ZFPM2: variants seen among roughly 807,000 people sequenced by gnomAD.
The protein encoded by ZFPM2 is zinc finger protein, FOG family member 2.
In ZFPM2, 20 loss-of-function variants were observed where a neutral mutation model predicts 98.6. The ratio of observed to expected loss-of-function variants is 0.20; its 90% CI spans 0.14 to 0.29. The LOEUF is 0.29. ZFPM2 is among the 10% of genes least tolerant of loss of function. The pLI, the probability that ZFPM2 is intolerant of heterozygous loss-of-function variation, is 1.00. For missense variants in ZFPM2, 1,310 were observed against 1,388.6 expected (o/e 0.94, Z 0.90); for synonymous variants, 518 against 502.7 (o/e 1.03, Z -0.41).
chr8:105,501,824 A>T (rs6469004), intron 3 of ZFPM2, among the ~76,000 whole-genome samples: 55,906 of 152,056 alleles, frequency 0.37, 12,139 homozygotes, highest in African/African-American at 0.61. Context: ...TTTTTAATTG[A>T]CTTTTATTCA....
chr8:105,349,621 A>T (rs1812605124), intron 1 of ZFPM2, among the ~76,000 whole-genome samples: 1 of 152,218 alleles, frequency 6.6e-6, no homozygotes, highest in Non-Finnish European at 1.5e-5. Flanking sequence ...GAAACTCTGC[A>T]TCATGATTCT....
At chr8:105,621,245 C>T (rs1329434005) in intron 4 of ZFPM2, among the ~76,000 whole-genome samples, 5 of 152,106 alleles carry the variant, frequency 3.3e-5, no homozygotes, top group Admixed American at 3.3e-4. Context: ...TCCTTCACAT[C>T]CCTTGTAAGT....
chr8:105,447,413 T>A (rs17285605), intron 3 of ZFPM2, among the ~76,000 whole-genome samples: 6,682 of 152,014 alleles, frequency 0.044, 202 homozygotes, highest in Non-Finnish European at 0.068. Context: ...TTAAATCAGA[T>A]CATATACATG....
chr8:105,605,638 A>G lies in ZFPM2; in HGVS notation c.421-28608A>G, dbSNP rs552721657. Among the ~76,000 whole-genome samples, 5 of 152,102 alleles carry G rather than the reference A, an allele frequency of 3.3e-5. No individual in the cohort carries two copies. The South Asian group carries it at 1.0e-3, about 31-fold the overall frequency. On this transcript the variant is annotated intron_variant, in intron 4 of 7. Transcript: ENST00000407775. The stretch of plus-strand genomic sequence containing the variant: ...TAGTATATTTTAAGGCTTCCTGAGT[A>G]TGACATTTTTTATCTAATGAGAGTA...
intron 3 of ZFPM2, among the ~76,000 whole-genome samples, chr8:105,459,489 G>A (rs1458841378): frequency 6.6e-6 from 1 of 152,156 alleles, no homozygotes; most frequent in East Asian, 1.9e-4. Flanking sequence ...GTATGTATTG[G>A]CCTGCTCAGG....
chr8:105,401,455 G>A (rs1811338570), intron 1 of ZFPM2, among the ~76,000 whole-genome samples: 1 of 152,030 alleles, frequency 6.6e-6, no homozygotes, highest in Admixed American at 6.6e-5. Context: ...AATTTTCAAA[G>A]TTTAAAAGAT....
At chr8:105,555,818 G>T (rs1433070521) in intron 3 of ZFPM2, among the ~76,000 whole-genome samples, 1 of 152,090 alleles carries the variant, frequency 6.6e-6, no homozygotes, top group African/African-American at 2.4e-5. Flanking sequence ...ACATTAAAAG[G>T]GTCTATTAAG....
At chr8:105,568,759 C>T (rs10106915) in intron 4 of ZFPM2, among the ~76,000 whole-genome samples, 144 of 152,218 alleles carry the variant, frequency 9.5e-4, no homozygotes, top group African/African-American at 3.3e-3. Context: ...TAAAATCATT[C>T]TAAAGGGCAC....
At chr8:105,646,140 A>C (rs749895840) in intron 5 of ZFPM2, among the ~76,000 whole-genome samples, 1 of 152,086 alleles carries the variant, frequency 6.6e-6, no homozygotes, top group East Asian at 1.9e-4. Context: ...TTCAAAAAAA[A>C]AATAATAATG....
intron 3 of ZFPM2, among the ~76,000 whole-genome samples, chr8:105,461,346 T>C (rs1812701253): frequency 6.6e-6 from 1 of 152,148 alleles, no homozygotes; most frequent in African/African-American, 2.4e-5. Context: ...GTTATAAAAA[T>C]GCATGAAATA....
At chr8:105,548,138 A>G (rs1403163783) in intron 3 of ZFPM2, among the ~76,000 whole-genome samples, 3 of 152,018 alleles carry the variant, frequency 2.0e-5, no homozygotes, top group Admixed American at 6.6e-5. Flanking sequence ...GATCATAGGA[A>G]TAAATGGTGA....
At chr8:105,577,080 T>C (rs13281018) in intron 4 of ZFPM2, among the ~76,000 whole-genome samples, 38,787 of 151,988 alleles carry the variant, frequency 0.26, 5,184 homozygotes, top group South Asian at 0.3. Context: ...AAAATGTATT[T>C]CTTTCTTTAA....
intron 1 of ZFPM2, among the ~76,000 whole-genome samples, chr8:105,411,448 C>G (rs1811575825): frequency 6.6e-6 from 1 of 151,696 alleles, no homozygotes. Flanking sequence ...CAGTGCCTAC[C>G]ATGTTTAGCA....
chr8:105,498,694 C>T (rs1453186641), intron 3 of ZFPM2, among the ~76,000 whole-genome samples: 6 of 152,044 alleles, frequency 3.9e-5, no homozygotes, highest in South Asian at 2.1e-4. Context: ...TGCAAAGATT[C>T]GATGCTATGA....
intron 1 of ZFPM2, among the ~76,000 whole-genome samples, chr8:105,340,046 C>A (rs1296522532): frequency 6.6e-6 from 1 of 151,814 alleles, no homozygotes; most frequent in Non-Finnish European, 1.5e-5. Flanking sequence ...AGGAAACTGG[C>A]ATTTATTGAG....
intron 4 of ZFPM2, 56 bp from the exon 5 acceptor site, chr8:105,634,190 C>T (rs1586164106): frequency 7.5e-7 from 1 of 1,329,474 alleles, no homozygotes; most frequent in South Asian, 1.3e-5. Flanking sequence ...AGTTATTATT[C>T]AAGTTTTTAA....
chr8:105,448,386 C>T (rs1469098439), intron 3 of ZFPM2, among the ~76,000 whole-genome samples: 2 of 152,020 alleles, frequency 1.3e-5, no homozygotes, highest in South Asian at 2.1e-4. Flanking sequence ...TTATCACTCT[C>T]ACAAGTTCTT....
chr8:105,470,035 A>T, intron 3 of ZFPM2, among the ~76,000 whole-genome samples: 1 of 152,236 alleles, frequency 6.6e-6, no homozygotes, highest in Non-Finnish European at 1.5e-5. Flanking sequence ...GTAAGGCAGC[A>T]TGCTACCTGC....
chr8:105,762,886 T>C (rs1429854774), intron 5 of ZFPM2, among the ~76,000 whole-genome samples: 2 of 151,884 alleles, frequency 1.3e-5, no homozygotes, highest in Non-Finnish European at 2.9e-5. Flanking sequence ...AGTAGATCTT[T>C]ATTGGTAAAA....
Sources: allele counts gnomAD v4.1 joint callset (sites outside exome capture counted in the v4.1 genomes callset), GRCh38; gene constraint gnomAD v4.1.1; transcripts MANE v1.5; gene names NCBI Gene and HGNC (gene_info 2026-07-23, HGNC 2026-07-21).